ACAD11: variants seen among roughly 807,000 people sequenced by gnomAD.
ACAD11 encodes the protein acyl-Coenzyme A dehydrogenase family, member 11.
A neutral mutation model predicts 102.2 loss-of-function variants in ACAD11; 83 were observed. That is an observed-to-expected ratio of 0.81 (90% CI 0.68 to 0.97). The LOEUF is 0.97. Among genes scored for constraint, ACAD11 ranks in the 50% least tolerant of loss-of-function variants. The probability of loss-of-function intolerance (pLI) is 0.00; values close to 1 mark genes in which losing one functional copy is unlikely to be tolerated. For missense variants in ACAD11, 901 were observed against 951.7 expected (o/e 0.95, Z 0.70); for synonymous variants, 324 against 319.8 (o/e 1.01, Z -0.14).
At chr3:132,648,351 C>T (rs1180377985) in intron 1 of ACAD11, 1 of 152,062 alleles carries the variant, frequency 6.6e-6, no homozygotes, top group East Asian at 1.9e-4. Context: ...CCACCTTTAC[C>T]AAGTTTTCAG....
chr3:132,630,517 A>G lies in ACAD11; in HGVS notation c.883T>C (p.Cys295Arg). 6.2e-7 allele frequency: 1 copy of G among 1,613,060 alleles called. No homozygotes were observed. The highest frequency in any genetic ancestry group is 8.5e-7 in the Non-Finnish European group (1 of 1,179,426). ...GGAAGAATAGAATTAATTCCCCTGC[A>G]GCGGCAATATATTGAAATCAGTTCT... Reference protein sequence around the residue: ...MEELISIYCRCRGINSILPNW... With the variant: ...MEELISIYCRRRGINSILPNW... Residue 295 changes from cysteine to arginine, a missense_variant, in exon 7 of 20, where the codon TGC (cysteine) becomes CGC (arginine). By Grantham distance (180) the Cys-to-Arg change is radical. Transcript: ENST00000264990.
intron 17 of ACAD11, among the ~76,000 whole-genome samples, chr3:132,571,345 G>GTT (rs533091323): frequency 0.039 from 5,079 of 128,864 alleles, 174 homozygotes; most frequent in African/African-American, 0.087. Flanking sequence ...CTTTTTAACG[G>GTT]TTTTTTTTTT....
intron 1 of ACAD11, among the ~76,000 whole-genome samples, chr3:132,657,505 T>C (rs1220012867): frequency 6.6e-6 from 1 of 152,236 alleles, no homozygotes; most frequent in East Asian, 1.9e-4. Flanking sequence ...TTTGAATCAA[T>C]AGATCAACTG....
intron 13 of ACAD11, among the ~76,000 whole-genome samples, chr3:132,583,365 T>C (rs1423283505): frequency 6.6e-6 from 1 of 152,188 alleles, no homozygotes; most frequent in African/African-American, 2.4e-5. Flanking sequence ...TCTCTGATGG[T>C]AGTTTGTATT....
chr3:132,568,935 T>C (rs1209775341), intron 17 of ACAD11, among the ~76,000 whole-genome samples: 2 of 151,350 alleles, frequency 1.3e-5, no homozygotes, highest in Non-Finnish European at 2.9e-5. Flanking sequence ...CTTCAGAATA[T>C]AGGATTCGGC....
rs148497159 is a variant in ACAD11 at position 132,659,681 on chromosome 3, G to A, written c.71C>T (p.Ser24Phe). 1 of 1,611,404 alleles carries A rather than the reference G, an allele frequency of 6.2e-7. No homozygotes were observed. The highest frequency in any genetic ancestry group is 8.5e-7 in the Non-Finnish European group (1 of 1,178,738). The change falls in exon 1 of 20, where the codon TCC becomes TTC. Residue 24 changes from serine to phenylalanine, a missense_variant. Transcript: ENST00000264990. ...VLPQHKFDSK[S>F]LEAYLNQHLS... is the part of the protein sequence containing the mutation. ...GTGCTGGTTTAGGTAGGCCTCCAGG[G>A]ACTTGCTGTCGAACTTGTGCTGGGG...
rs944836081 is a variant in ACAD11, at chr3:132,579,362, T to C, written c.1688+130A>G. On this transcript the variant is annotated intron_variant, in intron 14 of 19. Transcript: ENST00000264990. Reference sequence around the variant, plus strand: ...AGAAAATACTTGTGAAATACAAATATATGACATTTACTCTCATATCTTACA... The same window carrying C: ...AGAAAATACTTGTGAAATACAAATACATGACATTTACTCTCATATCTTACA... The C allele has an allele frequency of 4.1e-5, 31 of 758,166 alleles. No individual in the cohort carries two copies. The African/African-American group carries it at 4.4e-4, about 11-fold the overall frequency. The allele number at this position is 758,166 out of a possible 1,614,324, so 47.0% of individuals were successfully genotyped here.
At chr3:132,617,011 G>C (rs1426654291) in intron 11 of ACAD11, among the ~76,000 whole-genome samples, 1 of 152,156 alleles carries the variant, frequency 6.6e-6, no homozygotes, top group Non-Finnish European at 1.5e-5. Flanking sequence ...GTCCAGTACT[G>C]TCTCATATAC....
intron 9 of ACAD11, among the ~76,000 whole-genome samples, chr3:132,622,572 C>CT (rs991111919): frequency 2.0e-5 from 3 of 152,068 alleles, no homozygotes; most frequent in Admixed American, 6.5e-5. Flanking sequence ...TTATTTAATA[C>CT]TTTGAGTTCT....
chr3:132,562,815 GACGC>G (rs1937102012), intron 17 of ACAD11, among the ~76,000 whole-genome samples: 1 of 152,142 alleles, frequency 6.6e-6, no homozygotes, highest in South Asian at 2.1e-4. Context: ...ATATATTCAG[GACGC>G]TAGTCATTTG....
rs886842715 is a variant in ACAD11, at chr3:132,637,188, A to AAAT, written c.702+2301_702+2303dup. Among the ~76,000 whole-genome samples the AAAT allele has an allele frequency of 5.9e-5, 9 of 152,248 alleles. No homozygotes were observed. In the East Asian group the frequency reaches 1.5e-3, roughly 26 times the overall value. ...GGGTTATTAGAAAAAATAAAAAGTA[A>AAAT]AATAATAATAATAATGATGATATAA... is the stretch of plus-strand genomic sequence containing the variant. On this transcript the variant is annotated intron_variant, in intron 5 of 19. Coordinates refer to ENST00000264990, the MANE Select transcript of ACAD11 (RefSeq NM_032169.5).
Position 132,558,752 on chromosome 3 carries a change from G to A in ACAD11, c.*219C>T. The A allele has an allele frequency of 6.2e-6, 3 of 480,040 alleles. No homozygotes were observed. 29.7% of individuals were successfully genotyped at this position (480,040 alleles called of 1,614,324 possible). ...CCTGGCCTCAAGGAGGCACTAGATT[G>A]AATGACAACAGCTACAGCATTTCTT... is the stretch of plus-strand genomic sequence containing the variant. On this transcript the variant is annotated 3_prime_UTR_variant, in exon 20 of 20. Transcript: ENST00000264990.
At chr3:132,604,949 A>T in intron 12 of ACAD11, 149 bp downstream of exon 12, 1 of 520,608 alleles carries the variant, frequency 1.9e-6, no homozygotes, top group Non-Finnish European at 3.4e-6. Context: ...GCCAAAATTT[A>T]ATAACAGGCT....
chr3:132,564,833 G>A (rs1937164752), intron 17 of ACAD11, among the ~76,000 whole-genome samples: 1 of 152,152 alleles, frequency 6.6e-6, no homozygotes, highest in Admixed American at 6.5e-5. Context: ...ACTCTGAAAG[G>A]TAGAGAAAAG....
chr3:132,639,638 G>A lies in ACAD11; in HGVS notation c.556C>T (p.Gln186Ter). The A allele has an allele frequency of 1.2e-6, 2 of 1,613,198 alleles. No individual in the cohort carries two copies. Among genetic ancestry groups the A allele is most frequent in the Middle Eastern group, 1.7e-4 (1 of 6,058 alleles). ...TCCTGATGAGCTGCAGCTTGATATTGCTTTGTCCAGGTTGATACCTAAAGA... is the reference window on the plus strand; with the variant it reads ...TCCTGATGAGCTGCAGCTTGATATTACTTTGTCCAGGTTGATACCTAAAGA... ...CKRQVSTWTK[Q>*]YQAAAHQDIP... The change falls in exon 5 of 20, where the codon CAA becomes TAA. Residue 186 changes from glutamine (Q) to a stop codon, truncating the protein, a stop_gained. Coordinates refer to ENST00000264990, the MANE Select transcript of ACAD11 (RefSeq NM_032169.5). LOFTEE classifies it high-confidence loss of function.
At chr3:132,589,453 A>C (rs2107805946) in intron 13 of ACAD11, among the ~76,000 whole-genome samples, 1 of 152,334 alleles carries the variant, frequency 6.6e-6, no homozygotes, top group Non-Finnish European at 1.5e-5. Flanking sequence ...GAAATTATAG[A>C]GGAAGAATCA....
In ACAD11 at chr3:132,558,872, G is replaced by T; in HGVS notation, c.*99C>A. 1 of 834,770 alleles carries T rather than the reference G, an allele frequency of 1.2e-6. No individual in the cohort carries two copies. Among genetic ancestry groups the T allele is most frequent in the Non-Finnish European group, 1.9e-6 (1 of 516,314 alleles). 51.7% of individuals were successfully genotyped at this position (834,770 alleles called of 1,614,324 possible). ...ACCACAAATGAATAATTAACCCTGT[G>T]CTCAAACTGCTACAAAAATATGAGA... On this transcript the variant is annotated 3_prime_UTR_variant, in exon 20 of 20. Coordinates refer to ENST00000264990, the MANE Select transcript of ACAD11 (RefSeq NM_032169.5).
At chr3:132,588,436 G>T (rs1209684318) in intron 13 of ACAD11, among the ~76,000 whole-genome samples, 1 of 152,068 alleles carries the variant, frequency 6.6e-6, no homozygotes, top group African/African-American at 2.4e-5. Context: ...AAATATATGA[G>T]TTTTATTTAT....
intron 1 of ACAD11, among the ~76,000 whole-genome samples, chr3:132,654,150 C>T (rs1047554336): frequency 3.3e-5 from 5 of 152,178 alleles, no homozygotes; most frequent in Non-Finnish European, 2.9e-5. Context: ...AAATAATCTT[C>T]GTCTCTTCCT....
Sources: gnomAD v4.1 joint callset for allele counts (sites outside exome capture counted in the v4.1 genomes callset) on GRCh38, gnomAD v4.1.1 for gene constraint, MANE v1.5 for transcripts, NCBI Gene and HGNC (gene_info 2026-07-23, HGNC 2026-07-21) for gene names.